SGCZ: variants seen among roughly 807,000 people sequenced by gnomAD.
SGCZ encodes the protein sarcoglycan zeta, also known as zeta-sarcoglycan.
Under a neutral mutation model 41.3 loss-of-function variants are expected in SGCZ, and 40 were observed. The ratio of observed to expected loss-of-function variants is 0.97; its 90% CI spans 0.75 to 1.26. The LOEUF is 1.26. SGCZ is among the 50% of genes most tolerant of loss of function. The pLI is 0.00. For missense variants in SGCZ, 552 were observed against 369.8 expected (o/e 1.49, Z -4.04); for synonymous variants, 206 against 137.5 (o/e 1.50, Z -3.49).
intron 1 of SGCZ, among the ~76,000 whole-genome samples, chr8:14,570,814 A>AGAG (rs1804528188): frequency 6.6e-6 from 1 of 152,204 alleles, no homozygotes. Context: ...AAGCTTTTAA[A>AGAG]GAGTTTTATT....
chr8:14,828,837 T>G (rs1585298564), intron 1 of SGCZ, among the ~76,000 whole-genome samples: 1 of 152,178 alleles, frequency 6.6e-6, no homozygotes, highest in East Asian at 1.9e-4. Flanking sequence ...AGTCCTTCTT[T>G]ACCATAACAA....
chr8:14,246,267 A>AC (rs1433930329), intron 3 of SGCZ, among the ~76,000 whole-genome samples: 2 of 152,246 alleles, frequency 1.3e-5, no homozygotes, highest in African/African-American at 2.4e-5. Flanking sequence ...CTATGCAGCC[A>AC]TAAAAATGAT....
chr8:14,739,075 A>G (rs112411679), intron 1 of SGCZ, among the ~76,000 whole-genome samples: 32 of 152,012 alleles, frequency 2.1e-4, no homozygotes, highest in Non-Finnish European at 4.3e-4. Context: ...TCCCCTGAAA[A>G]CATTTAATAC....
chr8:14,618,905 G>A (rs1806193983), intron 1 of SGCZ, among the ~76,000 whole-genome samples: 1 of 152,126 alleles, frequency 6.6e-6, no homozygotes, highest in African/African-American at 2.4e-5. Context: ...AAAGTAAGGA[G>A]AGGTGGAAAA....
intron 1 of SGCZ, among the ~76,000 whole-genome samples, chr8:14,744,760 T>C (rs1563241334): frequency 6.6e-6 from 1 of 152,132 alleles, no homozygotes; most frequent in Non-Finnish European, 1.5e-5. Flanking sequence ...GCTGAAGAAA[T>C]ACCTTTCAGT....
chr8:14,578,385 C>G lies in SGCZ; in HGVS notation c.40-23459G>C, dbSNP rs190292595. Among the ~76,000 whole-genome samples the G allele has an allele frequency of 1.6e-4, 25 of 152,328 alleles. No homozygotes were observed. In the East Asian group the frequency reaches 4.8e-3, roughly 29 times the overall value. On this transcript the variant is annotated intron_variant, in intron 1 of 7. Transcript: ENST00000382080. Reference sequence around the variant, plus strand: ...AGCCTGGCCCAGAGCATGGGCTCCTCTCTTCCTCACCCCTTTGCAAGTTGT... The same window carrying G: ...AGCCTGGCCCAGAGCATGGGCTCCTGTCTTCCTCACCCCTTTGCAAGTTGT...
rs138072012 is a variant in SGCZ, at chr8:14,925,078, G to A, written c.39+312507C>T. ...TCACCGTGTTGGCCAGGCTGCTCTC[G>A]AACTCCTGAGCTTAAGTGATCCACC... On this transcript the variant is annotated intron_variant, in intron 1 of 7. Transcript: ENST00000382080. 2.8e-3 allele frequency among the ~76,000 whole-genome samples: 429 copies of A among 152,080 alleles called. 2 individuals carry two copies. The highest frequency in any genetic ancestry group is 5.7e-3 in the Admixed American group (87 of 15,252).
At chr8:14,233,495 C>A (rs1228818128) in intron 4 of SGCZ, among the ~76,000 whole-genome samples, 1 of 150,358 alleles carries the variant, frequency 6.7e-6, no homozygotes, top group Non-Finnish European at 1.5e-5. Context: ...ATCCAAATTA[C>A]TACAGAATTA....
chr8:14,166,154 A>AATG (rs1355569086), intron 4 of SGCZ, among the ~76,000 whole-genome samples: 1 of 152,162 alleles, frequency 6.6e-6, no homozygotes, highest in African/African-American at 2.4e-5. Flanking sequence ...GATTAAAACT[A>AATG]ATGTTAAACT....
chr8:14,094,509 C>T (rs1801783920), intron 7 of SGCZ, among the ~76,000 whole-genome samples: 6 of 152,064 alleles, frequency 3.9e-5, no homozygotes. Flanking sequence ...TGTATATGTG[C>T]CATATTTTGT....
chr8:14,228,404 C>T (rs1191036828), intron 4 of SGCZ, among the ~76,000 whole-genome samples: 4 of 152,012 alleles, frequency 2.6e-5, no homozygotes, highest in Admixed American at 2.0e-4. Flanking sequence ...ACTTATTTTA[C>T]TTTTATCCTT....
intron 1 of SGCZ, among the ~76,000 whole-genome samples, chr8:15,081,099 G>A (rs910672300): frequency 1.4e-4 from 22 of 152,078 alleles, no homozygotes; most frequent in African/African-American, 5.1e-4. Flanking sequence ...CGCAGCCAGC[G>A]CATGCTACTT....
chr8:14,180,864 C>T (rs970401863), intron 4 of SGCZ, among the ~76,000 whole-genome samples: 9 of 151,606 alleles, frequency 5.9e-5, no homozygotes, highest in Admixed American at 1.3e-4. Context: ...GACAGTGCCC[C>T]CATACTAGAT....
chr8:14,511,403 A>G (rs545470237), intron 2 of SGCZ, among the ~76,000 whole-genome samples: 1 of 152,114 alleles, frequency 6.6e-6, no homozygotes, highest in Non-Finnish European at 1.5e-5. Flanking sequence ...CAAAATCTGT[A>G]TCTTCATTAC....
intron 3 of SGCZ, among the ~76,000 whole-genome samples, chr8:14,282,131 T>TA (rs11394787): frequency 0.83 from 125,130 of 151,292 alleles, 52,007 homozygotes; most frequent in South Asian, 0.88. Context: ...ATCTACTATG[T>TA]AAAAAAAAAT....
intron 2 of SGCZ, among the ~76,000 whole-genome samples, chr8:14,371,641 G>A (rs1367740942): frequency 1.3e-5 from 2 of 151,948 alleles, no homozygotes; most frequent in Non-Finnish European, 2.9e-5. Context: ...TCTGACCCTG[G>A]CCCTATTAAT....
intron 1 of SGCZ, among the ~76,000 whole-genome samples, chr8:14,814,643 G>C (rs138652829): frequency 6.6e-6 from 1 of 152,098 alleles, no homozygotes. Context: ...ATGGGAGGAC[G>C]CAAGCTGGGA....
At chr8:14,466,331 T>C (rs1801049020) in intron 2 of SGCZ, among the ~76,000 whole-genome samples, 1 of 151,992 alleles carries the variant, frequency 6.6e-6, no homozygotes. Flanking sequence ...TGAAGAGAAA[T>C]CTTCTGTAAT....
chr8:15,042,015 A>C (rs190000434), intron 1 of SGCZ, among the ~76,000 whole-genome samples: 2 of 152,196 alleles, frequency 1.3e-5, no homozygotes, highest in Non-Finnish European at 2.9e-5. Flanking sequence ...TAGTATGTAT[A>C]TTCTTTGGGT....
Sources: allele counts gnomAD v4.1 joint callset (sites outside exome capture counted in the v4.1 genomes callset), GRCh38; gene constraint gnomAD v4.1.1; transcripts MANE v1.5; gene names NCBI Gene and HGNC (gene_info 2026-07-23, HGNC 2026-07-21).